Variants in TPM1 observed in about 807,000 individuals in gnomAD.
TPM1 encodes the protein tropomyosin 1, also known as tropomyosin alpha-1 chain.
A neutral mutation model predicts 42.9 loss-of-function variants in TPM1; 24 were observed. The ratio of observed to expected loss-of-function variants is 0.56; its 90% CI spans 0.41 to 0.79. The LOEUF (loss-of-function observed/expected upper bound fraction) is 0.79. Ranked by LOEUF, TPM1 falls within the 30% of genes least tolerant of loss-of-function variation. TPM1 has a pLI of 0.00. For synonymous variants in TPM1, 136 were observed against 130.1 expected, an observed-to-expected ratio of 1.05 and a Z score of -0.31; for missense variants, 158 against 351.8, an observed-to-expected ratio of 0.45 and a Z score of 4.41.
At chr15:63,064,319 G>T in intron 9 of TPM1, 177 bp downstream of exon 9, 1 of 1,503,396 alleles carries the variant, frequency 6.7e-7, no homozygotes. Context: ...AGGCCAATTA[G>T]ATTAAGTCTG....
chr15:63,053,113 G>A (rs1312290804), intron 2 of TPM1, among the ~76,000 whole-genome samples: 1 of 152,194 alleles, frequency 6.6e-6, no homozygotes, highest in Non-Finnish European at 1.5e-5. Context: ...CTGGGCTAGG[G>A]AGTAAATGTT....
downstream of TPM1, chr15:63,070,704 T>C (rs185031539): frequency 1.4e-4 from 142 of 1,051,732 alleles, no homozygotes; most frequent in African/African-American, 2.2e-3. Context: ...TTTAACTGCC[T>C]GTACCTTGGA....
downstream of TPM1, chr15:63,069,743 C>A: frequency 8.3e-7 from 1 of 1,209,686 alleles, no homozygotes; most frequent in East Asian, 2.4e-5. Flanking sequence ...GTAAACTGCT[C>A]AGCAAGTGAC....
At chr15:63,061,553 C>G in intron 5 of TPM1, 160 bp from the exon 6 acceptor site, 1 of 801,826 alleles carries the variant, frequency 1.2e-6, no homozygotes, top group Non-Finnish European at 2.1e-6. Context: ...GGCAGTGTTC[C>G]TGGAAAACCT....
chr15:63,071,444 C>T (rs1063514), exon 9 of TPM1: 6 of 417,246 alleles, frequency 1.4e-5, no homozygotes, highest in Admixed American at 1.4e-4. Context: ...TAGGAATCCT[C>T]ACTAAAGCAG....
Position 63,064,198 on chromosome 15 carries a change from A to G in TPM1, c.851+56A>G, listed in dbSNP as rs777582807. On this transcript the variant is annotated intron_variant, in intron 9 of 9. Coordinates refer to ENST00000403994, the MANE Select transcript of TPM1 (RefSeq NM_001018005.2). ...CCCTGCCCTCATGCTAATGTAATAA[A>G]CTCACCACCATGCCTTCCTTGCTCC... is the stretch of plus-strand genomic sequence containing the variant. The G allele has an allele frequency of 3.8e-6, 6 of 1,587,938 alleles. No individual in the cohort carries two copies. The Admixed American group carries it at 1.1e-4, about 28-fold the overall frequency.
At chr15:63,056,794 T>G in intron 2 of TPM1, 191 bp from the exon 3 acceptor site, 1 of 711,618 alleles carries the variant, frequency 1.4e-6, no homozygotes, top group Non-Finnish European at 2.5e-6. Flanking sequence ...AATATGGATG[T>G]TCACTGTATA....
chr15:63,048,442 G>C (rs1367324758), intron 2 of TPM1: 1 of 1,351,520 alleles, frequency 7.4e-7, no homozygotes, highest in Non-Finnish European at 9.4e-7. Flanking sequence ...CGCAGGGGGC[G>C]CCGCCATCGC....
At chr15:63,063,959 TC>T in intron 8 of TPM1, 104 bp from the exon 9 acceptor site, 2 of 1,511,074 alleles carry the variant, frequency 1.3e-6, no homozygotes, top group South Asian at 2.5e-5. Context: ...ATTGCCCTTT[TC>T]TTGCTGCTGT....
At chr15:63,062,459 T>G (rs1231123062) in intron 7 of TPM1, 117 bp from the exon 8 acceptor site, 1 of 1,331,720 alleles carries the variant, frequency 7.5e-7, no homozygotes, top group Middle Eastern at 1.9e-4. Context: ...AACTGACAAG[T>G]AGTTTCTGAT....
intron 2 of TPM1, among the ~76,000 whole-genome samples, chr15:63,049,927 T>A (rs917681209): frequency 2.0e-5 from 3 of 152,148 alleles, no homozygotes; most frequent in African/African-American, 7.2e-5. Context: ...CCTTGAACCA[T>A]TAGAACTATA....
chr15:63,043,640 G>C, intron 1 of TPM1: 1 of 1,534,608 alleles, frequency 6.5e-7, no homozygotes, highest in Admixed American at 2.0e-5. Flanking sequence ...CCCGACGCCC[G>C]TGTGTTGTGT....
rs777139450 is a variant in TPM1 at position 63,061,778 on chromosome 15, A to G, written c.629A>G (p.Gln210Arg). 1 of 1,614,152 alleles carries G rather than the reference A, an allele frequency of 6.2e-7. No homozygotes were observed. Among genetic ancestry groups the G allele is most frequent in the Non-Finnish European group, 8.5e-7 (1 of 1,179,980 alleles). Residue 210 changes from glutamine to arginine, a missense_variant, in exon 6 of 10, where the codon CAG becomes CGG. Transcript: ENST00000403994. ...AACAACTTGAAGTCACTGGAGGCTC[A>G]GGCTGAGAAGGTAGGCCAGGAGGAT... is the stretch of plus-strand genomic sequence containing the variant. ...VTNNLKSLEA[Q>R]AEKYSQKEDR... is the part of the protein sequence containing the mutation.
At chr15:63,063,947 G>A (rs2035978393) in intron 8 of TPM1, 117 bp from the exon 9 acceptor site, 1 of 1,462,222 alleles carries the variant, frequency 6.8e-7, no homozygotes, top group South Asian at 1.3e-5. Context: ...ACCCCTTCAT[G>A]CATTGCCCTT....
At chr15:63,056,584 G>A (rs1007603203) in intron 2 of TPM1, 7 of 256,944 alleles carry the variant, frequency 2.7e-5, no homozygotes, top group Middle Eastern at 1.5e-3. Context: ...GGAGAATGGC[G>A]TGAATCCAGG....
chr15:63,051,946 G>A (rs956800638), intron 2 of TPM1, among the ~76,000 whole-genome samples: 2 of 150,710 alleles, frequency 1.3e-5, no homozygotes, highest in African/African-American at 2.5e-5. Context: ...ACTATGGTGG[G>A]GTGGGCATGC....
At chr15:63,056,916 CA>C in intron 2 of TPM1, 68 bp from the exon 3 acceptor site, 1 of 1,608,664 alleles carries the variant, frequency 6.2e-7, no homozygotes. Context: ...ATTGCAGTCC[CA>C]GCCATTTCCT....
chr15:63,071,386 C>G (rs1313465008), exon 9 of TPM1: 2 of 518,126 alleles, frequency 3.9e-6, no homozygotes, highest in Non-Finnish European at 7.0e-6. Flanking sequence ...CGGGTTGATG[C>G]TGCCACACTT....
intron 2 of TPM1, chr15:63,047,169 G>C (rs965380881): frequency 6.6e-6 from 1 of 152,330 alleles, no homozygotes. Context: ...GGGAAACAAA[G>C]CGAGAAGCTC....
Sources: allele counts gnomAD v4.1 joint callset (sites outside exome capture counted in the v4.1 genomes callset), GRCh38; gene constraint gnomAD v4.1.1; transcripts MANE v1.5; gene names NCBI Gene and HGNC (gene_info 2026-07-23, HGNC 2026-07-21).